The following TBC1D14 variants were observed in gnomAD, a reference collection of about 807,000 sequenced individuals.
TBC1D14 encodes the protein TBC1 domain family, member 14.
In TBC1D14, 26 loss-of-function variants were observed where a neutral mutation model predicts 79.0. The observed-to-expected ratio is 0.33, with a 90% CI of 0.24 to 0.46. The LOEUF is 0.46. Among genes scored for constraint, TBC1D14 ranks in the 20% least tolerant of loss-of-function variants. TBC1D14 has a pLI of 1.00. For missense variants in TBC1D14, 769 were observed against 887.6 expected, an observed-to-expected ratio of 0.87 and a Z score of 1.70; for synonymous variants, 394 against 349.9, an observed-to-expected ratio of 1.13 and a Z score of -1.40.
intron 3 of TBC1D14, among the ~76,000 whole-genome samples, chr4:6,981,957 C>T (rs554944430): frequency 1.7e-3 from 254 of 152,326 alleles, no homozygotes; most frequent in Non-Finnish European, 3.1e-3. Context: ...ACATTGAAAA[C>T]AAGACAAGGA....
At chr4:6,976,121 C>T (rs554857099) in intron 3 of TBC1D14, among the ~76,000 whole-genome samples, 1 of 152,126 alleles carries the variant, frequency 6.6e-6, no homozygotes, top group Admixed American at 6.5e-5. Flanking sequence ...ATTATCCAGT[C>T]TGCATAGTAC....
rs780338469 is a variant in TBC1D14, at chr4:6,923,575, G to T, written c.186G>T (p.Gln62His). Residue 62 changes from glutamine to histidine, a missense_variant, in exon 2 of 14, where the codon CAG becomes CAT. Transcript: ENST00000409757. Reference protein sequence around the residue: ...LRALEDRHSLQSVDSGIPTLE... With the variant: ...LRALEDRHSLHSVDSGIPTLE... ...CTTTAGAAGACCGGCACAGCCTCCA[G>T]TCCGTGGACTCGGGGATTCCTACCC... 3 of 1,613,994 alleles carry T rather than the reference G, an allele frequency of 1.9e-6. No individual in the cohort carries two copies. The highest frequency in any genetic ancestry group is 2.5e-6 in the Non-Finnish European group (3 of 1,180,024).
At chr4:6,961,283 A>T (rs1010929909) in intron 2 of TBC1D14, among the ~76,000 whole-genome samples, 1 of 152,094 alleles carries the variant, frequency 6.6e-6, no homozygotes, top group Non-Finnish European at 1.5e-5. Context: ...GCTCTGCCAT[A>T]TGGCTTTAAA....
chr4:6,983,235 G>A (rs1221159855), intron 3 of TBC1D14, among the ~76,000 whole-genome samples: 1 of 152,106 alleles, frequency 6.6e-6, no homozygotes, highest in Non-Finnish European at 1.5e-5. Flanking sequence ...GCCTCCCAAA[G>A]TGCTAGGATT....
chr4:6,987,708 G>A (rs1718014600), intron 3 of TBC1D14: 1 of 293,290 alleles, frequency 3.4e-6, no homozygotes, highest in South Asian at 1.6e-4. Context: ...CCCCTTAGAG[G>A]TCAGAAGGGC....
chr4:6,995,168 C>T (rs80005512), intron 4 of TBC1D14, among the ~76,000 whole-genome samples: 1 of 152,286 alleles, frequency 6.6e-6, no homozygotes, highest in African/African-American at 2.4e-5. Context: ...TGAAAGAGAG[C>T]ACGAATTGTA....
intron 2 of TBC1D14, among the ~76,000 whole-genome samples, chr4:6,958,506 G>A (rs987268568): frequency 2.9e-4 from 44 of 152,022 alleles, no homozygotes; most frequent in African/African-American, 1.0e-3. Flanking sequence ...TCAGCTTGTG[G>A]CAGCTTCTAA....
chr4:7,025,221 G>T lies in TBC1D14; in HGVS notation c.1975G>T (p.Ala659Ser), dbSNP rs769575829. The change falls in exon 13 of 14, where the codon GCC becomes TCC. Residue 659 changes from alanine to serine, a missense_variant. Physicochemically the swap from Ala to Ser is moderately conservative, Grantham distance 99. This residue lies in a region of TBC1D14 where 367 missense variants were observed against 494.4 expected (regional missense o/e 0.74). Coordinates refer to ENST00000409757, the MANE Select transcript of TBC1D14 (RefSeq NM_020773.3). ...LPAEELFASIATIQMQSRNKK... is the reference protein window; with the variant it reads ...LPAEELFASISTIQMQSRNKK... ...CGCCGAGGAGCTGTTTGCCTCCATC[G>T]CCACGATCCAGATGCAGAGCCGAAA... 6.2e-7 allele frequency: 1 copy of T among 1,614,226 alleles called. No homozygotes were observed. The highest frequency in any genetic ancestry group is 1.1e-5 in the South Asian group (1 of 91,088).
At chr4:6,920,790 T>C (rs180769303) in intron 1 of TBC1D14, among the ~76,000 whole-genome samples, 1 of 152,206 alleles carries the variant, frequency 6.6e-6, no homozygotes, top group Non-Finnish European at 1.5e-5. Flanking sequence ...ATTTCTTTTT[T>C]ACTTTGAGAC....
intron 12 of TBC1D14, among the ~76,000 whole-genome samples, chr4:7,024,491 C>T (rs1722145040): frequency 6.6e-6 from 1 of 152,150 alleles, no homozygotes; most frequent in Admixed American, 6.5e-5. Context: ...CCGGACAGGG[C>T]ACTAGATGTG....
At chr4:6,992,956 A>G (rs1019765442) in intron 3 of TBC1D14, among the ~76,000 whole-genome samples, 9 of 152,076 alleles carry the variant, frequency 5.9e-5, no homozygotes, top group Non-Finnish European at 8.8e-5. Flanking sequence ...GCCCCACCCA[A>G]CTGCTTCTTG....
intron 2 of TBC1D14, among the ~76,000 whole-genome samples, chr4:6,934,339 G>C (rs66640699): frequency 6.6e-6 from 1 of 151,960 alleles, no homozygotes; most frequent in Non-Finnish European, 1.5e-5. Flanking sequence ...GGCCCGGTGA[G>C]CATGGGTGTC....
chr4:7,012,158 T>C (rs1044086633), intron 11 of TBC1D14, among the ~76,000 whole-genome samples: 12 of 151,880 alleles, frequency 7.9e-5, no homozygotes, highest in Admixed American at 2.0e-4. Flanking sequence ...AATAATTAGC[T>C]GGGCGTGGTG....
chr4:6,970,979 G>A (rs1052889279), intron 3 of TBC1D14, among the ~76,000 whole-genome samples: 1 of 147,626 alleles, frequency 6.8e-6, no homozygotes, highest in Non-Finnish European at 1.5e-5. Context: ...GTTGAACTGG[G>A]GTCAGGTGTT....
chr4:7,031,112 G>T lies in TBC1D14; in HGVS notation c.*720G>T, dbSNP rs1373979893. The T allele has an allele frequency of 6.6e-6, 1 of 152,386 alleles. No individual in the cohort carries two copies. Among genetic ancestry groups the T allele is most frequent in the Non-Finnish European group, 1.5e-5 (1 of 68,152 alleles). 9.4% of individuals were successfully genotyped at this position (152,386 alleles called of 1,614,324 possible). A position where few individuals can be genotyped will look rare whatever the true frequency, so the allele number is the denominator to read the frequency against. On this transcript the variant is annotated 3_prime_UTR_variant, in exon 14 of 14. Transcript: ENST00000409757. ...TGCGGAGGTGGAAAGTTCGAGAGGA[G>T]GAGCTATTTGCGAGGAAGCCCTGTG...
At chr4:6,948,607 G>T (rs924716335) in intron 2 of TBC1D14, among the ~76,000 whole-genome samples, 2 of 152,126 alleles carry the variant, frequency 1.3e-5, no homozygotes, top group South Asian at 4.1e-4. Flanking sequence ...GGTCCCACTC[G>T]CGGTGTGTGG....
At chr4:6,988,973 C>T (rs1718196475) in intron 3 of TBC1D14, among the ~76,000 whole-genome samples, 2 of 139,142 alleles carry the variant, frequency 1.4e-5, no homozygotes, top group African/African-American at 5.4e-5. Context: ...AACTCCTGGG[C>T]TCAAGTGATC....
Position 6,935,227 on chromosome 4 carries a change from AT to A in TBC1D14, c.722+11127del, listed in dbSNP as rs372343859. ...GATAGCTGGAGGCAGAAGTGGTGTG[AT>A]TTTTTTTTTTCCTTTTTTAAGATTG... On this transcript the variant is annotated intron_variant, in intron 2 of 13. Transcript: ENST00000409757. Among the ~76,000 whole-genome samples, 922 of 147,862 alleles carry A rather than the reference AT, an allele frequency of 6.2e-3. 9 individuals carry two copies. Among genetic ancestry groups the A allele is most frequent in the African/African-American group, 0.019 (758 of 40,442 alleles).
At chr4:7,023,234 C>T (rs573190412) in intron 12 of TBC1D14, among the ~76,000 whole-genome samples, 9 of 152,226 alleles carry the variant, frequency 5.9e-5, no homozygotes, top group African/African-American at 2.2e-4. Context: ...CCAGCCTGGG[C>T]GACAGAGTGA....
Sources: allele counts gnomAD v4.1 joint callset (sites outside exome capture counted in the v4.1 genomes callset), GRCh38; gene constraint gnomAD v4.1.1; regional missense constraint gnomAD v4.1.1; transcripts MANE v1.5; gene names NCBI Gene and HGNC (gene_info 2026-07-23, HGNC 2026-07-21).